Variants in VCPKMT observed in about 807,000 individuals in gnomAD.
The protein encoded by VCPKMT is valosin containing protein lysine methyltransferase.
Under a neutral mutation model 28.6 loss-of-function variants are expected in VCPKMT, and 32 were observed. That is an observed-to-expected ratio of 1.12 (90% CI 0.84 to 1.50). The LOEUF is 1.50. VCPKMT is among the 40% of genes most tolerant of loss of function. The pLI is 0.00. For missense variants in VCPKMT, 366 were observed against 285.0 expected (o/e 1.28, Z -2.05); for synonymous variants, 138 against 111.4 (o/e 1.24, Z -1.50).
downstream of VCPKMT, among the ~76,000 whole-genome samples, chr14:50,108,191 CA>C (rs11455635): frequency 4.1e-4 from 44 of 107,080 alleles, no homozygotes; most frequent in Admixed American, 7.5e-4. Context: ...AACCCTGTCT[CA>C]AAAAAAAAAA....
chr14:50,116,235 ATTT>A, intron 1 of VCPKMT, 49 bp downstream of exon 1: 1 of 1,611,974 alleles, frequency 6.2e-7, no homozygotes, highest in Non-Finnish European at 8.5e-7. Context: ...TGTAATCCGG[ATTT>A]CCCCAGCAAG....
chr14:50,113,798 G>GTT lies in VCPKMT; in HGVS notation c.570+486_570+487insAA, dbSNP rs1403622179. ...ATAGTCCCACTTACTTGGGGGCGGG[G>GTT]GGGGGGGGGGGTGACACTGAGGCAG... On this transcript the variant is annotated intron_variant, in intron 4 of 5. Coordinates refer to ENST00000395860, the MANE Select transcript of VCPKMT (RefSeq NM_024558.3). 3.6e-5 allele frequency among the ~76,000 whole-genome samples: 3 copies of GTT among 83,476 alleles called. 1 individual carries two copies. Among genetic ancestry groups the GTT allele is most frequent in the Non-Finnish European group, 7.6e-5 (3 of 39,346 alleles). The allele number at this position is 83,476 out of a possible 152,430, so 54.8% of individuals were successfully genotyped here.
chr14:50,115,309 C>T (rs1359413315), intron 3 of VCPKMT, among the ~76,000 whole-genome samples: 4 of 152,012 alleles, frequency 2.6e-5, no homozygotes, highest in Admixed American at 6.5e-5. Flanking sequence ...TGCACCACCA[C>T]GCCTGGCTAA....
chr14:50,106,908 C>CAT (rs1486095280), downstream of VCPKMT, among the ~76,000 whole-genome samples: 1 of 152,164 alleles, frequency 6.6e-6, no homozygotes, highest in Non-Finnish European at 1.5e-5. Flanking sequence ...TTTGTAGAAA[C>CAT]AGGGTCTTGC....
At chr14:50,111,154 CTAAAAAA>C in intron 5 of VCPKMT, 1 of 957,362 alleles carries the variant, frequency 1.0e-6, no homozygotes, top group Non-Finnish European at 1.2e-6. Flanking sequence ...GTTACATCAA[CTAAAAAA>C]TAAGAGTTTT....
rs1273804293 is a variant in VCPKMT at position 50,109,256 on chromosome 14, C to A, written c.*443G>T. Reference sequence around the variant, plus strand: ...GTATAATTATGTACAAAATGAAAACCTTTTAAACTCTGAAGACAAACTAAA... The same window carrying A: ...GTATAATTATGTACAAAATGAAAACATTTTAAACTCTGAAGACAAACTAAA... On this transcript the variant is annotated 3_prime_UTR_variant, in exon 6 of 6. Transcript: ENST00000395860. 5 of 956,842 alleles carry A rather than the reference C, an allele frequency of 5.2e-6. No homozygotes were observed. In the African/African-American group the frequency reaches 8.8e-5, roughly 17 times the overall value. 59.3% of individuals were successfully genotyped at this position (956,842 alleles called of 1,614,324 possible).
chr14:50,106,976 T>C (rs1882346553), downstream of VCPKMT, among the ~76,000 whole-genome samples: 1 of 152,244 alleles, frequency 6.6e-6, no homozygotes, highest in South Asian at 2.1e-4. Flanking sequence ...TGCCTTGGCC[T>C]CCCAAAGTGC....
At chr14:50,103,951 C>T (rs944785700), downstream of VCPKMT, among the ~76,000 whole-genome samples, 1 of 152,074 alleles carries the variant, frequency 6.6e-6, no homozygotes, top group Admixed American at 6.5e-5. Context: ...TGCCTAGTAC[C>T]TAAGTACATT....
At chr14:50,110,865 G>C (rs745469829) in intron 5 of VCPKMT, among the ~76,000 whole-genome samples, 4 of 152,176 alleles carry the variant, frequency 2.6e-5, no homozygotes, top group Non-Finnish European at 4.4e-5. Flanking sequence ...TGTAGATAAG[G>C]CTCGAGAATA....
chr14:50,116,277 C>T lies in VCPKMT; in HGVS notation c.266+10G>A. On this transcript the variant is annotated intron_variant, in intron 1 of 5. Transcript: ENST00000395860. ...GCGCCCCCACATCCCGCCCGCCCGC[C>T]AGCTCTTACCCGAGGGTAGCAGCCA... The T allele has an allele frequency of 6.2e-7, 1 of 1,605,402 alleles. No homozygotes were observed. The highest frequency in any genetic ancestry group is 8.5e-7 in the Non-Finnish European group (1 of 1,176,014).
chr14:50,111,218 C>G (rs1594936497), intron 5 of VCPKMT: 1 of 982,232 alleles, frequency 1.0e-6, no homozygotes, highest in African/African-American at 1.8e-5. Context: ...TTAGGAAACA[C>G]AAAATCTTTC....
At chr14:50,113,881 A>T (rs2139441020) in intron 4 of VCPKMT, among the ~76,000 whole-genome samples, 1 of 133,306 alleles carries the variant, frequency 7.5e-6, no homozygotes, top group African/African-American at 2.7e-5. Context: ...GTGCCACTGC[A>T]CTCCGGCATG....
intron 2 of VCPKMT, 59 bp downstream of exon 2, chr14:50,116,010 C>T (rs1883154372): frequency 2.5e-6 from 4 of 1,592,064 alleles, no homozygotes; most frequent in Non-Finnish European, 2.6e-6. Context: ...TTTAATGAAA[C>T]GCAATTCAAA....
At chr14:50,107,974 G>A (rs1180003931), downstream of VCPKMT, among the ~76,000 whole-genome samples, 1 of 151,906 alleles carries the variant, frequency 6.6e-6, no homozygotes, top group Non-Finnish European at 1.5e-5. Flanking sequence ...GGATCACTTG[G>A]CTCCAGGAAT....
chr14:50,109,550 T>A lies in VCPKMT; in HGVS notation c.*149A>T. ...AATTTTTCGTATTGCAGACAGCCCC[T>A]GGTGGTCATCATCTATACATCGGAT... On this transcript the variant is annotated 3_prime_UTR_variant, in exon 6 of 6. Transcript: ENST00000395860. The A allele has an allele frequency of 7.3e-7, 1 of 1,361,146 alleles. No homozygotes were observed. Among genetic ancestry groups the A allele is most frequent in the South Asian group, 1.9e-5 (1 of 52,276 alleles). 84.3% of individuals were successfully genotyped at this position (1,361,146 alleles called of 1,614,324 possible).
intron 3 of VCPKMT, among the ~76,000 whole-genome samples, chr14:50,115,253 A>G (rs887263649): frequency 2.7e-5 from 4 of 150,850 alleles, no homozygotes; most frequent in African/African-American, 9.8e-5. Flanking sequence ...CCCAGGTTCA[A>G]GCGATTCTCC....
chr14:50,112,267 C>G (rs1252385296), intron 5 of VCPKMT, among the ~76,000 whole-genome samples: 2 of 151,892 alleles, frequency 1.3e-5, no homozygotes, highest in Non-Finnish European at 2.9e-5. Flanking sequence ...GAAGCCTGGC[C>G]AGGTATGGTG....
intron 3 of VCPKMT, among the ~76,000 whole-genome samples, chr14:50,115,200 T>A (rs1271272827): frequency 6.8e-6 from 1 of 146,800 alleles, no homozygotes; most frequent in Non-Finnish European, 1.5e-5. Context: ...TTGCCCAGGC[T>A]GGAATGCAAT....
chr14:50,104,220 G>T (rs967339910), downstream of VCPKMT, among the ~76,000 whole-genome samples: 6 of 152,160 alleles, frequency 3.9e-5, no homozygotes, highest in South Asian at 2.1e-4. Flanking sequence ...ATTTGCAAAT[G>T]ATAGCATCTT....
Sources: gnomAD v4.1 joint callset for allele counts (sites outside exome capture counted in the v4.1 genomes callset) on GRCh38, gnomAD v4.1.1 for gene constraint, MANE v1.5 for transcripts, NCBI Gene and HGNC (gene_info 2026-07-23, HGNC 2026-07-21) for gene names.